The following BRCC3 variants were observed in gnomAD, a reference collection of about 807,000 sequenced individuals.
The protein encoded by BRCC3 is lys-63-specific deubiquitinase BRCC36.
BRCC3 carries 15 observed loss-of-function variants against 28.0 expected under a neutral mutation model. The observed-to-expected ratio is 0.54, with a 90% confidence interval of 0.36 to 0.82. The LOEUF is 0.82. Among genes scored for constraint, BRCC3 ranks in the 40% least tolerant of loss-of-function variants. The pLI is 0.01. For synonymous variants in BRCC3, 66 were observed against 80.3 expected, an observed-to-expected ratio of 0.82 and a Z score of 0.95; for missense variants, 109 against 225.9, an observed-to-expected ratio of 0.48 and a Z score of 3.32.
intron 7 of BRCC3, among the ~76,000 whole-genome samples, chrX:155,106,242 T>C (rs1227168200): frequency 8.0e-5 from 9 of 112,145 alleles, no homozygotes; most frequent in Non-Finnish European, 1.5e-4. Context: ...TTCTTAAGCA[T>C]TTAACTTCTT....
At chrX:155,092,478 T>C (rs1337065726) in intron 7 of BRCC3, among the ~76,000 whole-genome samples, 1 of 111,653 alleles carries the variant, frequency 9.0e-6, no homozygotes, top group Non-Finnish European at 1.9e-5. Flanking sequence ...TTTATATTGT[T>C]ATTATTATGT....
At chrX:155,074,271 C>T (rs782034911) in intron 3 of BRCC3, among the ~76,000 whole-genome samples, 16 of 112,162 alleles carry the variant, frequency 1.4e-4, no homozygotes, top group South Asian at 3.7e-4. Context: ...TTCTTAATCC[C>T]GTATCTTCCT....
intron 3 of BRCC3, among the ~76,000 whole-genome samples, chrX:155,074,627 CT>C (rs1234720859): frequency 1.8e-5 from 2 of 112,017 alleles, no homozygotes; most frequent in Admixed American, 1.9e-4. Flanking sequence ...ACAATTCACC[CT>C]GGGCATCAGT....
chrX:155,095,814 C>T (rs1557296177), intron 7 of BRCC3, among the ~76,000 whole-genome samples: 1 of 111,425 alleles, frequency 9.0e-6, no homozygotes, highest in African/African-American at 3.3e-5. Context: ...TCTACTGTAC[C>T]TTTTCTGTGT....
In BRCC3 at chrX:155,096,610, A is replaced by G. The variant is rs1602786235; in HGVS notation, c.548+5771A>G. ...CAATGTCATCTACAGATCCAGTGTA[A>G]TCCCTATCAAAATTCCAATAACATT... On this transcript the variant is annotated intron_variant, in intron 7 of 10. Coordinates refer to ENST00000330045, the MANE Select transcript of BRCC3 (RefSeq NM_001018055.3). 3.6e-5 allele frequency among the ~76,000 whole-genome samples: 4 copies of G among 112,254 alleles called. No homozygotes were observed. The Admixed American group carries it at 3.8e-4, about 11-fold the overall frequency.
chrX:155,099,935 C>T (rs1292647707), intron 7 of BRCC3, among the ~76,000 whole-genome samples: 1 of 111,691 alleles, frequency 9.0e-6, no homozygotes, highest in Admixed American at 9.5e-5. Context: ...CTGTCACTTG[C>T]ACTCATTGAG....
chrX:155,074,492 T>C (rs2074014064), intron 3 of BRCC3, among the ~76,000 whole-genome samples: 1 of 111,722 alleles, frequency 9.0e-6, no homozygotes, highest in African/African-American at 3.3e-5. Context: ...GTATTGCCTT[T>C]ATTCCTGTTT....
Position 155,072,363 on chromosome X carries a change from C to T in BRCC3, c.140+20C>T. The T allele has an allele frequency of 8.6e-7, 1 of 1,166,231 alleles. No individual in the cohort carries two copies. Among genetic ancestry groups the T allele is most frequent in the Non-Finnish European group, 1.2e-6 (1 of 856,798 alleles). On this transcript the variant is annotated intron_variant, in intron 2 of 10. Transcript: ENST00000330045. Reference sequence around the variant, plus strand: ...TACAAGGTAAGACTGTATTTGTTTACTCATATCTTATAATCTCTAAGTCAT... The same window carrying T: ...TACAAGGTAAGACTGTATTTGTTTATTCATATCTTATAATCTCTAAGTCAT...
At chrX:155,075,506 A>C (rs2074032329) in intron 3 of BRCC3, among the ~76,000 whole-genome samples, 1 of 112,103 alleles carries the variant, frequency 8.9e-6, no homozygotes, top group Admixed American at 9.5e-5. Context: ...TCATCTGAAA[A>C]CAAGCTCATC....
intron 9 of BRCC3, among the ~76,000 whole-genome samples, chrX:155,117,222 G>A (rs112157768): frequency 2.4e-4 from 27 of 112,148 alleles, no homozygotes; most frequent in African/African-American, 6.8e-4. Context: ...CCAGCCTGTC[G>A]TGGTGGGAAC....
intron 5 of BRCC3, among the ~76,000 whole-genome samples, chrX:155,082,735 A>G (rs1158875722): frequency 8.9e-6 from 1 of 112,485 alleles, no homozygotes; most frequent in Admixed American, 9.4e-5. Flanking sequence ...CATTTAATAA[A>G]TACGATCATA....
chrX:155,073,485 T>C, intron 3 of BRCC3, 54 bp downstream of exon 3: 1 of 1,128,490 alleles, frequency 8.9e-7, no homozygotes, highest in Non-Finnish European at 1.2e-6. Flanking sequence ...GAAAGATTTC[T>C]GTAATCCAGT....
intron 5 of BRCC3, among the ~76,000 whole-genome samples, chrX:155,084,539 A>G (rs1878091970): frequency 1.8e-5 from 2 of 111,378 alleles, no homozygotes; most frequent in African/African-American, 3.3e-5. Context: ...ATTTTTTTGC[A>G]TTTTTAGTAG....
chrX:155,096,127 G>T (rs1203433314), intron 7 of BRCC3, among the ~76,000 whole-genome samples: 1 of 112,135 alleles, frequency 8.9e-6, no homozygotes, highest in Non-Finnish European at 1.9e-5. Flanking sequence ...CAATCTGAAA[G>T]AATTTGAAAA....
chrX:155,072,604 C>G (rs1216005595), intron 2 of BRCC3, among the ~76,000 whole-genome samples: 1 of 111,428 alleles, frequency 9.0e-6, no homozygotes. Context: ...CTCTGTCGCC[C>G]AGGCTGGAGT....
chrX:155,076,056 T>C (rs1331318126), intron 3 of BRCC3, among the ~76,000 whole-genome samples: 2 of 112,303 alleles, frequency 1.8e-5, no homozygotes, highest in Non-Finnish European at 3.8e-5. Flanking sequence ...AAAGATTACT[T>C]TTCTAATATA....
At chrX:155,081,420 C>A (rs1051251114) in intron 5 of BRCC3, among the ~76,000 whole-genome samples, 7 of 110,170 alleles carry the variant, frequency 6.4e-5, no homozygotes, top group African/African-American at 2.3e-4. Flanking sequence ...TCACACTCAT[C>A]TCCAAACAGC....
In BRCC3 at chrX:155,078,944, A is replaced by G. The variant is rs869312528; in HGVS notation, c.403+241A>G. On this transcript the variant is annotated intron_variant, in intron 5 of 10. Transcript: ENST00000330045. ...GTTAACTGAAAATTGCTGATTGCTG[A>G]ATATCATTACTGTCCAGGACACTCC... 2.4e-5 allele frequency: 8 copies of G among 334,519 alleles called. No individual in the cohort carries two copies. Among genetic ancestry groups the G allele is most frequent in the Non-Finnish European group, 3.6e-5 (7 of 192,808 alleles). The allele number at this position is 334,519 out of a possible 1,213,427, so 27.6% of individuals were successfully genotyped here.
rs182500875 is a variant in BRCC3 at position 155,072,429 on chromosome X, C to T, written c.140+86C>T. On this transcript the variant is annotated intron_variant, in intron 2 of 10. Transcript: ENST00000330045. ...ATGGCGACTTTGGCAGTATTGTGTC[C>T]GGATCGTGTCTTAAATTAATTACCA... The T allele has an allele frequency of 1.9e-4, 134 of 722,360 alleles. 3 individuals are homozygous for T. The African/African-American group carries it at 2.0e-3, about 11-fold the overall frequency. 59.5% of individuals were successfully genotyped at this position (722,360 alleles called of 1,213,427 possible).
Sources: gnomAD v4.1 joint callset for allele counts (sites outside exome capture counted in the v4.1 genomes callset) on GRCh38, gnomAD v4.1.1 for gene constraint, MANE v1.5 for transcripts, NCBI Gene and HGNC (gene_info 2026-07-23, HGNC 2026-07-21) for gene names.